CRADD: variants seen among roughly 807,000 people sequenced by gnomAD.
CRADD encodes CARD and death domain containing adaptor protein.
In CRADD, 9 loss-of-function variants were observed where a neutral mutation model predicts 15.5. The ratio of observed to expected loss-of-function variants is 0.58; its 90% CI spans 0.35 to 1.01. The LOEUF (loss-of-function observed/expected upper bound fraction) is 1.01, where lower values mean the gene tolerates loss of function less well. Among genes scored for constraint, CRADD ranks in the 50% least tolerant of loss-of-function variants. The pLI, the probability that CRADD is intolerant of heterozygous loss-of-function variation, is 0.02. For missense variants in CRADD, 227 were observed against 250.3 expected (o/e 0.91, Z 0.63); for synonymous variants, 118 against 107.6 (o/e 1.10, Z -0.60).
intron 2 of CRADD, among the ~76,000 whole-genome samples, chr12:93,723,382 A>G (rs1345956339): frequency 6.6e-6 from 1 of 152,120 alleles, no homozygotes; most frequent in African/African-American, 2.4e-5. Context: ...CTGCATTCTG[A>G]TGAACCAACC....
intron 2 of CRADD, among the ~76,000 whole-genome samples, chr12:93,892,053 C>T (rs1421077743): frequency 1.3e-5 from 2 of 152,206 alleles, no homozygotes; most frequent in East Asian, 3.9e-4. Flanking sequence ...AGTATTAAGC[C>T]CACTTTGCAA....
At position 93,848,254 on chromosome 12, in the gene CRADD, G is replaced by A. The variant is rs755432665; in HGVS notation, c.299-1716G>A. 5.3e-5 allele frequency among the ~76,000 whole-genome samples: 8 copies of A among 152,100 alleles called. No individual in the cohort carries two copies. The South Asian group carries it at 1.2e-3, about 24-fold the overall frequency. ...TCATCAGTATTCTAATTGCGTCATA[G>A]TCATTGTTTTTTAAATTGTAGTGTT... On this transcript the variant is annotated intron_variant, in intron 2 of 2. Transcript: ENST00000332896.
At chr12:93,888,305 G>A (rs1958552378) in intron 2 of CRADD, among the ~76,000 whole-genome samples, 1 of 151,814 alleles carries the variant, frequency 6.6e-6, no homozygotes, top group Admixed American at 6.6e-5. Context: ...GGCGCTTGTA[G>A]TCTTAGCTAC....
intron 2 of CRADD, among the ~76,000 whole-genome samples, chr12:93,734,474 A>T (rs1459555245): frequency 6.6e-6 from 1 of 152,158 alleles, no homozygotes; most frequent in Non-Finnish European, 1.5e-5. Context: ...TGTATTCTAA[A>T]CAAGTTTTTC....
At chr12:93,764,048 C>A (rs1048673777) in intron 2 of CRADD, among the ~76,000 whole-genome samples, 3 of 152,130 alleles carry the variant, frequency 2.0e-5, no homozygotes, top group Non-Finnish European at 4.4e-5. Context: ...ATGTGAAGAG[C>A]CAGCCAGGGT....
At chr12:93,807,913 G>T (rs1243693721) in intron 2 of CRADD, among the ~76,000 whole-genome samples, 1 of 142,054 alleles carries the variant, frequency 7.0e-6, no homozygotes, top group Non-Finnish European at 1.5e-5. Flanking sequence ...GTGAGAAGGG[G>T]TCTGACAGGC....
intron 2 of CRADD, among the ~76,000 whole-genome samples, chr12:93,834,027 C>A (rs1306516934): frequency 2.0e-5 from 3 of 152,182 alleles, no homozygotes; most frequent in Non-Finnish European, 4.4e-5. Flanking sequence ...CTCACCCTTT[C>A]TTCTATCACC....
At chr12:93,796,091 C>T (rs1957412975) in intron 2 of CRADD, among the ~76,000 whole-genome samples, 1 of 151,658 alleles carries the variant, frequency 6.6e-6, no homozygotes, top group Non-Finnish European at 1.5e-5. Context: ...CTATCTATGT[C>T]TATTTTATCA....
intron 2 of CRADD, among the ~76,000 whole-genome samples, chr12:93,882,000 G>A (rs1368494205): frequency 6.6e-6 from 1 of 152,088 alleles, no homozygotes; most frequent in African/African-American, 2.4e-5. Flanking sequence ...GGTGGCATGT[G>A]CCTGTCCCAG....
At chr12:93,786,272 A>G (rs1957277062) in intron 2 of CRADD, among the ~76,000 whole-genome samples, 1 of 152,210 alleles carries the variant, frequency 6.6e-6, no homozygotes, top group Non-Finnish European at 1.5e-5. Flanking sequence ...CTGGATTCTA[A>G]CAGACCTAAA....
At chr12:93,734,266 T>C (rs1009519729) in intron 2 of CRADD, among the ~76,000 whole-genome samples, 1 of 152,244 alleles carries the variant, frequency 6.6e-6, no homozygotes, top group African/African-American at 2.4e-5. Flanking sequence ...GCTTACATTT[T>C]AGAGATTCAA....
At position 93,716,350 on chromosome 12, in the gene CRADD, TATC is replaced by T. The variant is rs762516945; in HGVS notation, c.298+37281_298+37283del. 1.1e-3 allele frequency among the ~76,000 whole-genome samples: 169 copies of T among 152,172 alleles called. 2 individuals are homozygous for T. Among genetic ancestry groups the T allele is most frequent in the Non-Finnish European group, 4.4e-4 (30 of 68,028 alleles). ...TTCCCAGGAGAGGTGTGACATTTGT[TATC>T]ATTGATGAACTTATATTGACACATC... is the stretch of plus-strand genomic sequence containing the variant. On this transcript the variant is annotated intron_variant, in intron 2 of 2. Coordinates refer to ENST00000332896, the MANE Select transcript of CRADD (RefSeq NM_003805.5).
At chr12:93,800,594 C>G (rs1405498657) in intron 2 of CRADD, among the ~76,000 whole-genome samples, 2 of 152,164 alleles carry the variant, frequency 1.3e-5, no homozygotes, top group Non-Finnish European at 2.9e-5. Context: ...CTCTCTCTCT[C>G]TCTCTCTGGC....
intron 2 of CRADD, among the ~76,000 whole-genome samples, chr12:93,890,062 G>C (rs1213113838): frequency 6.6e-6 from 1 of 152,192 alleles, no homozygotes; most frequent in African/African-American, 2.4e-5. Flanking sequence ...TTTGAAAACC[G>C]ATAGTTTAGT....
At chr12:93,872,975 C>A (rs1390316199) in intron 2 of CRADD, among the ~76,000 whole-genome samples, 1 of 151,782 alleles carries the variant, frequency 6.6e-6, no homozygotes, top group African/African-American at 2.4e-5. Context: ...GAGTTTGCAT[C>A]GAATCTGTAG....
At chr12:93,750,557 C>CA (rs938659314) in intron 2 of CRADD, among the ~76,000 whole-genome samples, 14 of 151,846 alleles carry the variant, frequency 9.2e-5, no homozygotes, top group Admixed American at 3.3e-4. Context: ...AAATTACATA[C>CA]AAAAAAACCT....
chr12:93,827,311 G>T (rs940605027), intron 2 of CRADD, among the ~76,000 whole-genome samples: 1 of 152,150 alleles, frequency 6.6e-6, no homozygotes, highest in African/African-American at 2.4e-5. Flanking sequence ...CATAAATGGA[G>T]TTCTACAGCA....
chr12:93,703,293 G>A (rs555633834), intron 2 of CRADD, among the ~76,000 whole-genome samples: 17 of 151,794 alleles, frequency 1.1e-4, no homozygotes, highest in African/African-American at 3.9e-4. Context: ...AGTTGATGAA[G>A]TCTCAAATTT....
At chr12:93,884,337 A>G (rs1958521558) in intron 2 of CRADD, among the ~76,000 whole-genome samples, 1 of 152,198 alleles carries the variant, frequency 6.6e-6, no homozygotes, top group African/African-American at 2.4e-5. Context: ...AGTACCTTCT[A>G]GAAGGATGCA....
Sources: gnomAD v4.1 joint callset for allele counts (sites outside exome capture counted in the v4.1 genomes callset) on GRCh38, gnomAD v4.1.1 for gene constraint, MANE v1.5 for transcripts, NCBI Gene and HGNC (gene_info 2026-07-23, HGNC 2026-07-21) for gene names.